The following HCN1 variants were observed in gnomAD, a reference collection of about 807,000 sequenced individuals.
HCN1 encodes the protein hyperpolarization activated cyclic nucleotide gated potassium channel 1.
A neutral mutation model predicts 78.9 loss-of-function variants in HCN1; 13 were observed. That is an observed-to-expected ratio of 0.16 (90% confidence interval 0.11 to 0.26). The LOEUF is 0.26. HCN1 is among the 10% of genes least tolerant of loss of function. HCN1 has a pLI of 1.00. For missense variants in HCN1, 810 were observed against 1,154.3 expected (o/e 0.70, Z 4.32); for synonymous variants, 552 against 455.5 (o/e 1.21, Z -2.70).
intron 6 of HCN1, among the ~76,000 whole-genome samples, chr5:45,285,629 TG>T (rs1745252650): frequency 6.6e-6 from 1 of 152,004 alleles, no homozygotes. Flanking sequence ...ATTTCAAGAT[TG>T]TTATCTGAAA....
intron 2 of HCN1, among the ~76,000 whole-genome samples, chr5:45,633,972 G>A (rs1745314683): frequency 6.6e-6 from 1 of 151,944 alleles, no homozygotes. Context: ...AACTAAATGA[G>A]AAGGGTGAAG....
intron 2 of HCN1, chr5:45,641,849 CTT>C (rs1263885973): frequency 6.6e-6 from 1 of 152,110 alleles, no homozygotes; most frequent in Non-Finnish European, 1.5e-5. Flanking sequence ...TTAATCTACT[CTT>C]TATCTCTTCA....
chr5:45,314,365 C>G (rs377710788), intron 5 of HCN1, among the ~76,000 whole-genome samples: 4 of 151,844 alleles, frequency 2.6e-5, no homozygotes, highest in South Asian at 2.1e-4. Context: ...GAAAGAAGCA[C>G]TAAACATGGA....
chr5:45,327,442 GAC>G (rs1561108017), intron 5 of HCN1, among the ~76,000 whole-genome samples: 1 of 151,492 alleles, frequency 6.6e-6, no homozygotes, highest in Non-Finnish European at 1.5e-5. Context: ...ATCAGCAACA[GAC>G]ACAATTCAAA....
At chr5:45,557,749 T>C (rs1355755727) in intron 2 of HCN1, among the ~76,000 whole-genome samples, 3 of 152,126 alleles carry the variant, frequency 2.0e-5, no homozygotes, top group Non-Finnish European at 4.4e-5. Flanking sequence ...GTAATTTCTT[T>C]GAGGTGCCAT....
chr5:45,677,596 G>A (rs1057308444), intron 1 of HCN1, among the ~76,000 whole-genome samples: 2 of 151,906 alleles, frequency 1.3e-5, no homozygotes, highest in African/African-American at 4.8e-5. Flanking sequence ...TATTTGGCTT[G>A]TTTAATTTCA....
At chr5:45,371,990 T>C (rs184688970) in intron 4 of HCN1, among the ~76,000 whole-genome samples, 25 of 1,742 alleles carry the variant, frequency 0.014, no homozygotes, top group Non-Finnish European at 0.056. Context: ...TTATATATAA[T>C]GTAATATATA....
intron 4 of HCN1, among the ~76,000 whole-genome samples, chr5:45,381,242 T>C (rs1299726210): frequency 6.6e-6 from 1 of 152,044 alleles, no homozygotes; most frequent in Non-Finnish European, 1.5e-5. Flanking sequence ...TTCTGAGAAG[T>C]TCTTTGAACC....
chr5:45,529,470 C>G (rs971335449), intron 2 of HCN1, among the ~76,000 whole-genome samples: 2 of 151,992 alleles, frequency 1.3e-5, no homozygotes, highest in Non-Finnish European at 2.9e-5. Context: ...ATCTGAAAAG[C>G]AGGCTCCTGC....
intron 2 of HCN1, among the ~76,000 whole-genome samples, chr5:45,624,956 T>C (rs970445143): frequency 6.6e-6 from 1 of 152,156 alleles, no homozygotes; most frequent in African/African-American, 2.4e-5. Flanking sequence ...CCCTCTTCTG[T>C]CCTCAGGCTC....
At chr5:45,538,552 G>A (rs1288557863) in intron 2 of HCN1, among the ~76,000 whole-genome samples, 1 of 152,124 alleles carries the variant, frequency 6.6e-6, no homozygotes, top group Non-Finnish European at 1.5e-5. Context: ...ACTAGGATAT[G>A]ATATAACTAT....
At chr5:45,430,525 T>C (rs527991092) in intron 3 of HCN1, among the ~76,000 whole-genome samples, 1 of 152,148 alleles carries the variant, frequency 6.6e-6, no homozygotes, top group Non-Finnish European at 1.5e-5. Flanking sequence ...TTCCCACTTA[T>C]AAGCGAGAAT....
chr5:45,687,985 CT>C (rs1195242022), intron 1 of HCN1, among the ~76,000 whole-genome samples: 2 of 152,150 alleles, frequency 1.3e-5, no homozygotes, highest in African/African-American at 4.8e-5. Flanking sequence ...TGTTTTCAGT[CT>C]GGCTTTCCTG....
intron 5 of HCN1, among the ~76,000 whole-genome samples, chr5:45,308,343 TAAG>T (rs1174505077): frequency 6.6e-6 from 1 of 152,094 alleles, no homozygotes; most frequent in African/African-American, 2.4e-5. Flanking sequence ...AAAAATGAAT[TAAG>T]AAATCTGCAA....
At chr5:45,336,848 T>C (rs1399435329) in intron 5 of HCN1, among the ~76,000 whole-genome samples, 6 of 151,974 alleles carry the variant, frequency 3.9e-5, no homozygotes, top group African/African-American at 4.8e-5. Flanking sequence ...CAGAGATCAC[T>C]CTGGGACTTC....
At chr5:45,651,833 T>C (rs1204605693) in intron 1 of HCN1, among the ~76,000 whole-genome samples, 1 of 151,810 alleles carries the variant, frequency 6.6e-6, no homozygotes. Context: ...CCATGGAGGG[T>C]GGGAAGGAAA....
At chr5:45,358,130 C>G (rs1349831177) in intron 4 of HCN1, among the ~76,000 whole-genome samples, 1 of 151,950 alleles carries the variant, frequency 6.6e-6, no homozygotes, top group African/African-American at 2.4e-5. Flanking sequence ...ATTACCCGAT[C>G]TTAGGTTTTC....
intron 1 of HCN1, among the ~76,000 whole-genome samples, chr5:45,660,511 G>A (rs1386260142): frequency 3.3e-5 from 5 of 150,986 alleles, no homozygotes; most frequent in African/African-American, 1.2e-4. Context: ...AGACTGGCAA[G>A]TTGGATAAAG....
At chr5:45,596,611 G>A (rs1378687850) in intron 2 of HCN1, among the ~76,000 whole-genome samples, 1 of 152,170 alleles carries the variant, frequency 6.6e-6, no homozygotes, top group Admixed American at 6.5e-5. Flanking sequence ...GGATTGTCTA[G>A]GTGAAGCTAT....
Sources: gnomAD v4.1 joint callset for allele counts (sites outside exome capture counted in the v4.1 genomes callset) on GRCh38, gnomAD v4.1.1 for gene constraint, MANE v1.5 for transcripts, NCBI Gene and HGNC (gene_info 2026-07-23, HGNC 2026-07-21) for gene names.